The following ENTREP1 variants were observed in gnomAD, a reference collection of about 807,000 sequenced individuals.
ENTREP1 encodes endosomal transmembrane epsin interactor 1.
chr9:69,384,907 T>A, the ENTREP1 span, among the ~76,000 whole-genome samples: 126,781 of 152,074 alleles, frequency 0.83, 52,967 homozygotes, highest in South Asian at 0.89. Context: ...TCCATTTTTT[T>A]TTTTTTAACT....
At chr9:69,330,751 C>G in the ENTREP1 span, among the ~76,000 whole-genome samples, 2 of 152,106 alleles carry the variant, frequency 1.3e-5, no homozygotes, top group Non-Finnish European at 2.9e-5. Context: ...AGCAGAGTCA[C>G]CTTTATAAGT....
At chr9:69,389,455 G>T in the ENTREP1 span, among the ~76,000 whole-genome samples, 1 of 152,192 alleles carries the variant, frequency 6.6e-6, no homozygotes. Flanking sequence ...AGGGGATTCA[G>T]CGGGGAGGAA....
the ENTREP1 span, among the ~76,000 whole-genome samples, chr9:69,338,103 G>T: frequency 6.6e-6 from 1 of 152,136 alleles, no homozygotes; most frequent in African/African-American, 2.4e-5. Flanking sequence ...CTCCATCAAT[G>T]ATTGTATTTC....
the ENTREP1 span, chr9:69,325,152 G>A: frequency 4.8e-6 from 5 of 1,037,108 alleles, no homozygotes; most frequent in South Asian, 1.8e-4. Context: ...CGGCAGCGGC[G>A]GCAGCAAGTG....
At chr9:69,363,213 A>G in the ENTREP1 span, among the ~76,000 whole-genome samples, 1 of 152,174 alleles carries the variant, frequency 6.6e-6, no homozygotes, top group Non-Finnish European at 1.5e-5. Flanking sequence ...AGTTCTAGAA[A>G]GACAGTTCTC....
the ENTREP1 span, among the ~76,000 whole-genome samples, chr9:69,358,973 G>T: frequency 1.4e-5 from 2 of 142,506 alleles, no homozygotes; most frequent in Non-Finnish European, 3.0e-5. Flanking sequence ...GCACGATCTC[G>T]GCTGACTGTG....
the ENTREP1 span, chr9:69,384,123 C>T: frequency 8.1e-5 from 68 of 837,022 alleles, no homozygotes; most frequent in South Asian, 2.8e-4. Flanking sequence ...TTTGGGAGGC[C>T]GAGGTGGGAG....
chr9:69,358,216 T>A, the ENTREP1 span, among the ~76,000 whole-genome samples: 2 of 152,236 alleles, frequency 1.3e-5, no homozygotes, highest in Admixed American at 1.3e-4. Context: ...ACACTTGCTG[T>A]CTTCTTTCTT....
chr9:69,383,426 T>A, the ENTREP1 span: 1 of 1,428,644 alleles, frequency 7.0e-7, no homozygotes, highest in Non-Finnish European at 9.2e-7. Flanking sequence ...TTGCATTTTA[T>A]ACACTGTCAT....
chr9:69,381,387 A>C, the ENTREP1 span: 1 of 152,172 alleles, frequency 6.6e-6, no homozygotes, highest in African/African-American at 2.4e-5. Context: ...AATTTGATCA[A>C]CTTTCCCAGT....
the ENTREP1 span, among the ~76,000 whole-genome samples, chr9:69,354,405 C>T: frequency 8.6e-5 from 13 of 151,968 alleles, no homozygotes; most frequent in Admixed American, 7.9e-4. Context: ...TTACAGGTGC[C>T]CACCACCAGG....
chr9:69,334,244 C>A, the ENTREP1 span, among the ~76,000 whole-genome samples: 8 of 152,148 alleles, frequency 5.3e-5, no homozygotes, highest in African/African-American at 1.9e-4. Flanking sequence ...AGGAAATATC[C>A]TATTGGATTT....
chr9:69,390,135 T>A, the ENTREP1 span, among the ~76,000 whole-genome samples: 3 of 152,262 alleles, frequency 2.0e-5, no homozygotes, highest in African/African-American at 7.2e-5. Context: ...TCAACTTCTT[T>A]GAATGTTGAA....
chr9:69,383,465 G>T, the ENTREP1 span: 12 of 1,484,978 alleles, frequency 8.1e-6, no homozygotes, highest in Non-Finnish European at 1.1e-5. Flanking sequence ...CCACTTCGTC[G>T]GAGAGCAGCT....
At chr9:69,384,975 G>A in the ENTREP1 span, among the ~76,000 whole-genome samples, 1 of 151,982 alleles carries the variant, frequency 6.6e-6, no homozygotes, top group Non-Finnish European at 1.5e-5. Flanking sequence ...AGGGTGGAGT[G>A]CAATGGGACG....
the ENTREP1 span, among the ~76,000 whole-genome samples, chr9:69,350,582 G>T: frequency 2.0e-4 from 30 of 152,078 alleles, no homozygotes; most frequent in Admixed American, 5.9e-4. Flanking sequence ...TTTTTCTTAG[G>T]TCTCATGCAT....
At chr9:69,382,923 GGCTTTTATAT>G in the ENTREP1 span, 2 of 667,344 alleles carry the variant, frequency 3.0e-6, no homozygotes, top group African/African-American at 2.0e-5. Context: ...CAGGTGTTCT[GGCTTTTATAT>G]GTATTTTATA....
chr9:69,325,773 G>A, the ENTREP1 span: 9 of 1,216,178 alleles, frequency 7.4e-6, no homozygotes, highest in East Asian at 6.5e-5. Context: ...GGTGATAGGG[G>A]GCTCTGGTCG....
chr9:69,337,348 T>C, the ENTREP1 span, among the ~76,000 whole-genome samples: 3 of 152,194 alleles, frequency 2.0e-5, no homozygotes, highest in Non-Finnish European at 4.4e-5. Context: ...GTATTAATCA[T>C]GAATATATGA....
Sources: gnomAD v4.1 joint callset for allele counts (sites outside exome capture counted in the v4.1 genomes callset) on GRCh38, gnomAD v4.1.1 for gene constraint, MANE v1.5 for transcripts, NCBI Gene and HGNC (gene_info 2026-07-23, HGNC 2026-07-21) for gene names.